MAEL: variants seen among roughly 807,000 people sequenced by gnomAD.
MAEL encodes the protein protein maelstrom homolog.
MAEL carries 46 observed loss-of-function variants against 62.0 expected under a neutral mutation model. That is an observed-to-expected ratio of 0.74 (90% confidence interval 0.59 to 0.95). The LOEUF (loss-of-function observed/expected upper bound fraction) is 0.95. MAEL is among the 40% of genes least tolerant of loss of function. The pLI is 0.00. For missense variants in MAEL, 497 were observed against 526.8 expected, an observed-to-expected ratio of 0.94 and a Z score of 0.55; for synonymous variants, 172 against 175.5, an observed-to-expected ratio of 0.98 and a Z score of 0.16.
In MAEL at chr1:166,992,629, G is replaced by A. The variant is rs576025889; in HGVS notation, c.326-57G>A. ...TCCCTTCAACTAAAGAGGCTTTTGT[G>A]GAAGAGGTAAATTTGAGACATTCAT... is the stretch of plus-strand genomic sequence containing the variant. On this transcript the variant is annotated intron_variant, in intron 3 of 11. Coordinates refer to ENST00000367872, the MANE Select transcript of MAEL (RefSeq NM_032858.3). 4.6e-6 allele frequency: 6 copies of A among 1,299,066 alleles called. No homozygotes were observed. In the East Asian group the frequency reaches 1.3e-4, roughly 28 times the overall value. 80.5% of individuals were successfully genotyped at this position (1,299,066 alleles called of 1,614,324 possible).
At position 167,006,601 on chromosome 1, in the gene MAEL, CTATA is replaced by C. The variant is rs200881169; in HGVS notation, c.845+1237_845+1240del. On this transcript the variant is annotated intron_variant, in intron 8 of 11. Transcript: ENST00000367872. ...CTATTGGAAAGTTACTGGTTTTTTACTATATATATATATATATATATATATATAT... is the reference window on the plus strand; with the variant it reads ...CTATTGGAAAGTTACTGGTTTTTTACTATATATATATATATATATATATAT... Among the ~76,000 whole-genome samples the C allele has an allele frequency of 4.6e-3, 452 of 98,054 alleles. 4 individuals carry two copies. The highest frequency in any genetic ancestry group is 6.2e-3 in the African/African-American group (180 of 28,822). 64.3% of individuals were successfully genotyped at this position (98,054 alleles called of 152,430 possible).
intron 5 of MAEL, among the ~76,000 whole-genome samples, chr1:166,997,830 T>G (rs765169610): frequency 6.6e-6 from 1 of 152,262 alleles, no homozygotes; most frequent in Non-Finnish European, 1.5e-5. Flanking sequence ...ATTATAGAGC[T>G]TTATTTTTTG....
At chr1:166,979,852 G>T (rs1663705276) in intron 1 of MAEL, among the ~76,000 whole-genome samples, 1 of 152,050 alleles carries the variant, frequency 6.6e-6, no homozygotes. Flanking sequence ...TCCCTAAAAA[G>T]GTCCATCCAA....
upstream of MAEL, among the ~76,000 whole-genome samples, chr1:166,986,420 C>T (rs1032918936): frequency 5.9e-5 from 9 of 152,052 alleles, no homozygotes; most frequent in Admixed American, 1.3e-4. Context: ...AGAAGTGGGA[C>T]GGTGGTGCGT....
intron 11 of MAEL, 39 bp downstream of exon 11, chr1:167,021,199 T>C (rs754112393): frequency 1.2e-5 from 16 of 1,368,902 alleles, no homozygotes; most frequent in Non-Finnish European, 1.6e-5. Context: ...ACCTAAAGGA[T>C]GTTAGAGCCT....
intron 10 of MAEL, 93 bp downstream of exon 10, chr1:167,018,052 G>T: frequency 1.6e-6 from 2 of 1,239,964 alleles, no homozygotes; most frequent in Non-Finnish European, 2.2e-6. Context: ...GCCTTTGTTT[G>T]GTTCTTTCCC....
At chr1:166,985,939 AAAGG>A (rs1330587646), upstream of MAEL, among the ~76,000 whole-genome samples, 15 of 152,240 alleles carry the variant, frequency 9.9e-5, no homozygotes, top group Admixed American at 5.9e-4. Context: ...TAAACAACGT[AAAGG>A]AAGGATAGAC....
At chr1:167,003,276 A>G (rs1019356630) in intron 5 of MAEL, among the ~76,000 whole-genome samples, 3 of 152,152 alleles carry the variant, frequency 2.0e-5, no homozygotes, top group Non-Finnish European at 4.4e-5. Context: ...ATAATTAACA[A>G]TTTTATGCTA....
At chr1:166,981,320 T>C (rs1663752833) in intron 1 of MAEL, among the ~76,000 whole-genome samples, 1 of 152,238 alleles carries the variant, frequency 6.6e-6, no homozygotes, top group African/African-American at 2.4e-5. Context: ...TTTCGTCATC[T>C]CTCCTTTTCT....
At chr1:166,995,256 T>A (rs911731734) in intron 5 of MAEL, among the ~76,000 whole-genome samples, 1 of 152,058 alleles carries the variant, frequency 6.6e-6, no homozygotes, top group Non-Finnish European at 1.5e-5. Context: ...TGTTTTTTTT[T>A]GGAGACAGAT....
At chr1:167,011,962 C>T (rs1350577529) in intron 8 of MAEL, among the ~76,000 whole-genome samples, 1 of 152,068 alleles carries the variant, frequency 6.6e-6, no homozygotes, top group African/African-American at 2.4e-5. Flanking sequence ...GAGGTCCATG[C>T]CGTGGGATTT....
chr1:166,986,331 T>C (rs1312858991), upstream of MAEL, among the ~76,000 whole-genome samples: 1 of 152,200 alleles, frequency 6.6e-6, no homozygotes, highest in African/African-American at 2.4e-5. Flanking sequence ...GTGTTTATTA[T>C]AGTTCAGTCA....
At chr1:167,015,184 G>A (rs891679176) in intron 8 of MAEL, among the ~76,000 whole-genome samples, 5 of 152,024 alleles carry the variant, frequency 3.3e-5, no homozygotes, top group African/African-American at 4.8e-5. Context: ...ACTATGCCCA[G>A]CCAGTTTAGA....
chr1:166,998,082 A>G (rs1664503929), intron 5 of MAEL, among the ~76,000 whole-genome samples: 1 of 152,136 alleles, frequency 6.6e-6, no homozygotes, highest in South Asian at 2.1e-4. Flanking sequence ...ATTCTTAAAC[A>G]CAGTAGTTTG....
intron 1 of MAEL, among the ~76,000 whole-genome samples, chr1:166,978,248 G>T (rs1663653880): frequency 6.6e-6 from 1 of 152,202 alleles, no homozygotes; most frequent in Non-Finnish European, 1.5e-5. Context: ...GGTACACATG[G>T]TGTATCCTGA....
chr1:166,990,001 A>G (rs1432162201), intron 2 of MAEL, 172 bp downstream of exon 2: 27 of 600,016 alleles, frequency 4.5e-5, no homozygotes, highest in Non-Finnish European at 6.6e-5. Flanking sequence ...AAAAAAACCA[A>G]CAGCCTCCAC....
upstream of MAEL, among the ~76,000 whole-genome samples, chr1:166,985,990 T>A (rs1351262360): frequency 6.6e-6 from 1 of 152,204 alleles, no homozygotes; most frequent in Non-Finnish European, 1.5e-5. Context: ...ATTTTTAGAT[T>A]TTTTAAAACG....
chr1:166,992,246 T>C (rs1212127506), intron 3 of MAEL, among the ~76,000 whole-genome samples: 1 of 152,134 alleles, frequency 6.6e-6, no homozygotes, highest in Non-Finnish European at 1.5e-5. Flanking sequence ...TTATAGGTGG[T>C]TTTATATATA....
chr1:166,995,927 G>A (rs1451251418), intron 5 of MAEL, among the ~76,000 whole-genome samples: 1 of 152,086 alleles, frequency 6.6e-6, no homozygotes, highest in Non-Finnish European at 1.5e-5. Flanking sequence ...TTAACAGAAA[G>A]CATGGTTCTT....
Sources: allele counts gnomAD v4.1 joint callset (sites outside exome capture counted in the v4.1 genomes callset), GRCh38; gene constraint gnomAD v4.1.1; transcripts MANE v1.5; gene names NCBI Gene and HGNC (gene_info 2026-07-23, HGNC 2026-07-21).